CD8B: variants seen among roughly 807,000 people sequenced by gnomAD.
CD8B encodes the protein T-cell surface glycoprotein CD8 beta chain.
CD8B carries 6 observed loss-of-function variants against 24.2 expected under a neutral mutation model. That is an observed-to-expected ratio of 0.25 (90% CI 0.14 to 0.49). The LOEUF is 0.49. Among genes scored for constraint, CD8B ranks in the 20% least tolerant of loss-of-function variants. CD8B has a pLI of 0.98. For synonymous variants in CD8B, 84 were observed against 108.3 expected (o/e 0.78, Z 1.39); for missense variants, 196 against 271.3 (o/e 0.72, Z 1.95).
At chr2:86,828,251 T>G (rs1465049909) in intron 5 of CD8B, among the ~76,000 whole-genome samples, 1 of 152,040 alleles carries the variant, frequency 6.6e-6, no homozygotes, top group African/African-American at 2.4e-5. Context: ...ATCTGGTCAC[T>G]TTAAACTTTT....
chr2:86,856,835 C>T (rs1487249175), intron 2 of CD8B, among the ~76,000 whole-genome samples: 1 of 148,946 alleles, frequency 6.7e-6, no homozygotes, highest in African/African-American at 2.5e-5. Context: ...TCATCGAACA[C>T]TTAGTATGAA....
chr2:86,851,821 G>C (rs1476452271), intron 3 of CD8B, among the ~76,000 whole-genome samples: 1 of 152,186 alleles, frequency 6.6e-6, no homozygotes, highest in Admixed American at 6.5e-5. Flanking sequence ...GTGTGCATGG[G>C]CATGTGTGTC....
chr2:86,822,379 G>A, intron 5 of CD8B: 1 of 1,552,666 alleles, frequency 6.4e-7, no homozygotes, highest in Non-Finnish European at 8.9e-7. Flanking sequence ...CTTAGTCTTG[G>A]CACAATAGAG....
At chr2:86,831,209 T>C (rs112018691) in intron 5 of CD8B, among the ~76,000 whole-genome samples, 40,587 of 152,096 alleles carry the variant, frequency 0.27, 5,859 homozygotes, top group Non-Finnish European at 0.33. Context: ...GCTGGGATTA[T>C]AGGCACCTGC....
In CD8B at chr2:86,842,265, C is replaced by T. The variant is rs200113349; in HGVS notation, c.*42G>A. 7.5e-4 allele frequency: 1,187 copies of T among 1,572,472 alleles called. No individual in the cohort carries two copies. The highest frequency in any genetic ancestry group is 9.6e-4 in the Non-Finnish European group (1,114 of 1,160,852). On this transcript the variant is annotated 3_prime_UTR_variant, in exon 6 of 6. Transcript: ENST00000390655. ...TTTCCACATCGTGCTCGTTACTGAC[C>T]GATGTCTTTTTGTAGCAGGACACCA...
At chr2:86,822,401 A>C in intron 5 of CD8B, 1 of 1,353,256 alleles carries the variant, frequency 7.4e-7, no homozygotes, top group Non-Finnish European at 1.0e-6. Context: ...ATGAACAGAG[A>C]TGTTAAATGT....
At position 86,858,495 on chromosome 2, in the gene CD8B, T is replaced by G. The variant is rs972619231; in HGVS notation, c.44-79A>C. On this transcript the variant is annotated intron_variant, in intron 1 of 5. Transcript: ENST00000390655. Reference sequence around the variant, plus strand: ...GACCTTGCAGTCACACTGAGTCAAGTGTCAAAGGAAAAGCCATGGAAGGAC... The same window carrying G: ...GACCTTGCAGTCACACTGAGTCAAGGGTCAAAGGAAAAGCCATGGAAGGAC... 3 of 1,492,736 alleles carry G rather than the reference T, an allele frequency of 2.0e-6. No individual in the cohort carries two copies. In the African/African-American group the frequency reaches 4.5e-5, roughly 22 times the overall value. 92.5% of individuals were successfully genotyped at this position (1,492,736 alleles called of 1,614,324 possible).
intron 5 of CD8B, among the ~76,000 whole-genome samples, chr2:86,829,903 T>C (rs1674841320): frequency 6.6e-6 from 1 of 152,246 alleles, no homozygotes; most frequent in Non-Finnish European, 1.5e-5. Context: ...GCTGGGTTCA[T>C]AGAATATCTA....
chr2:86,830,879 C>A (rs184893907), intron 5 of CD8B, among the ~76,000 whole-genome samples: 1 of 151,978 alleles, frequency 6.6e-6, no homozygotes, highest in African/African-American at 2.4e-5. Flanking sequence ...TATTAGAAAC[C>A]AGTTTGCATT....
chr2:86,829,341 G>A (rs1410638494), intron 5 of CD8B, among the ~76,000 whole-genome samples: 4 of 151,942 alleles, frequency 2.6e-5, no homozygotes, highest in Non-Finnish European at 4.4e-5. Flanking sequence ...TCCTGACCTC[G>A]TGATCTGCCT....
At chr2:86,835,986 C>A (rs556900948), downstream of CD8B, among the ~76,000 whole-genome samples, 1,456 of 152,016 alleles carry the variant, frequency 9.6e-3, 5 homozygotes, top group Non-Finnish European at 0.016. Flanking sequence ...TGAGCCAAAT[C>A]TTTAGTGTCT....
Position 86,858,267 on chromosome 2 carries a change from T to G in CD8B, c.193A>C (p.Ser65Arg). ...CAGAGGGCCAGGAACTCGTGGTGAC[T>G]GTCACTGCTCGGTGCCTGGCGCTGT... is the stretch of plus-strand genomic sequence containing the variant. ...LRQRQAPSSD[S>R]HHEFLALWDS... The change falls in exon 2 of 6, where the codon AGT becomes CGT. Residue 65 changes from serine to arginine, a missense_variant. Coordinates refer to ENST00000390655, the MANE Select transcript of CD8B (RefSeq NM_004931.5). 1 of 1,614,026 alleles carries G rather than the reference T, an allele frequency of 6.2e-7. No individual in the cohort carries two copies. Among genetic ancestry groups the G allele is most frequent in the Non-Finnish European group, 8.5e-7 (1 of 1,179,884 alleles).
At chr2:86,854,974 A>G (rs1198881796) in intron 2 of CD8B, among the ~76,000 whole-genome samples, 1 of 152,064 alleles carries the variant, frequency 6.6e-6, no homozygotes, top group Non-Finnish European at 1.5e-5. Flanking sequence ...TACAAAAATT[A>G]GTTGGGCGTG....
Position 86,858,421 on chromosome 2 carries a change from GA to G in CD8B, c.44-6del. ...GGACTGAGTTGCCATGGAGAACTAG[GA>G]AAAGCCAAGAACAGAGACATCACAC... On this transcript the variant is annotated splice_region_variant and splice_polypyrimidine_tract_variant and intron_variant, in intron 1 of 5. Transcript: ENST00000390655. 1.3e-6 allele frequency: 2 copies of G among 1,576,436 alleles called. No homozygotes were observed. Among genetic ancestry groups the G allele is most frequent in the Non-Finnish European group, 1.7e-6 (2 of 1,158,554 alleles).
chr2:86,830,461 G>C lies in CD8B; in HGVS notation c.620+14461C>G, dbSNP rs532425015. On this transcript the variant is annotated intron_variant, in intron 5 of 5. Transcript: ENST00000331469. ...ATATGCCTGTAATCCCAGCTACTTG[G>C]GAGGCTGAGGCATGAGAATTGCTTG... 3.9e-5 allele frequency among the ~76,000 whole-genome samples: 6 copies of C among 152,134 alleles called. No individual in the cohort carries two copies. In the South Asian group the frequency reaches 8.3e-4, roughly 21 times the overall value.
downstream of CD8B, among the ~76,000 whole-genome samples, chr2:86,836,320 C>A (rs114005303): frequency 2.1e-3 from 320 of 152,278 alleles, 1 homozygote; most frequent in African/African-American, 7.0e-3. Flanking sequence ...CCCCCACAGG[C>A]CTCGGCCCTG....
chr2:86,850,678 C>A (rs1675929474), intron 3 of CD8B, among the ~76,000 whole-genome samples: 1 of 152,186 alleles, frequency 6.6e-6, no homozygotes, highest in Non-Finnish European at 1.5e-5. Flanking sequence ...ACTTTCCCCA[C>A]ACCCATCCCC....
chr2:86,834,984 C>T (rs1675117716), downstream of CD8B, among the ~76,000 whole-genome samples: 1 of 150,692 alleles, frequency 6.6e-6, no homozygotes, highest in African/African-American at 2.4e-5. Flanking sequence ...CTGCACCCGC[C>T]CCACCAAATC....
downstream of CD8B, among the ~76,000 whole-genome samples, chr2:86,837,650 T>C (rs1476441240): frequency 1.6e-5 from 2 of 126,094 alleles, no homozygotes; most frequent in African/African-American, 6.0e-5. Context: ...GTTGCCCACT[T>C]CCTACAGGTA....
Sources: gnomAD v4.1 joint callset for allele counts (sites outside exome capture counted in the v4.1 genomes callset) on GRCh38, gnomAD v4.1.1 for gene constraint, MANE v1.5 for transcripts, NCBI Gene and HGNC (gene_info 2026-07-23, HGNC 2026-07-21) for gene names.